The following RAP1GAP variants were observed in gnomAD, a reference collection of about 807,000 sequenced individuals.
RAP1GAP encodes RAP1 GTPase activating protein.
A neutral mutation model predicts 87.2 loss-of-function variants in RAP1GAP; 35 were observed. The ratio of observed to expected loss-of-function variants is 0.40; its 90% CI spans 0.31 to 0.53. The LOEUF (loss-of-function observed/expected upper bound fraction) is 0.53, where lower values mean the gene tolerates loss of function less well. Among genes scored for constraint, RAP1GAP ranks in the 20% least tolerant of loss-of-function variants. The pLI is 0.48. For missense variants in RAP1GAP, 734 were observed against 898.9 expected, an observed-to-expected ratio of 0.82 and a Z score of 2.35; for synonymous variants, 375 against 363.9, an observed-to-expected ratio of 1.03 and a Z score of -0.35.
At chr1:21,652,218 A>T (rs1401161201) in intron 1 of RAP1GAP, among the ~76,000 whole-genome samples, 2 of 149,216 alleles carry the variant, frequency 1.3e-5, no homozygotes, top group Non-Finnish European at 3.0e-5. Context: ...CCCCATCATC[A>T]CGAGCTGGGA....
chr1:21,663,184 C>G (rs1021629070), intron 1 of RAP1GAP, among the ~76,000 whole-genome samples: 1 of 152,172 alleles, frequency 6.6e-6, no homozygotes, highest in Non-Finnish European at 1.5e-5. Flanking sequence ...GCGGCTCTGC[C>G]CAGTCCTGTT....
intron 2 of RAP1GAP, among the ~76,000 whole-genome samples, chr1:21,630,047 AG>A (rs1191785563): frequency 6.6e-6 from 1 of 152,244 alleles, no homozygotes; most frequent in African/African-American, 2.4e-5. Flanking sequence ...TACTATGTGC[AG>A]GCTCTGCTCT....
chr1:21,656,447 A>AAAAAAAAAAAAAAAAAAAC, intron 1 of RAP1GAP, among the ~76,000 whole-genome samples: 1 of 125,776 alleles, frequency 8.0e-6, no homozygotes, highest in Non-Finnish European at 1.7e-5. Flanking sequence ...AAAAAAAAAA[A>AAAAAAAAAAAAAAAAAAAC]AAAAAAAGAC....
At chr1:21,633,763 G>A (rs1313480567) in intron 2 of RAP1GAP, among the ~76,000 whole-genome samples, 4 of 152,184 alleles carry the variant, frequency 2.6e-5, no homozygotes, top group Non-Finnish European at 5.9e-5. Context: ...TCCAGCACTG[G>A]TCATCAGAAG....
chr1:21,639,126 C>G (rs558446772), intron 2 of RAP1GAP, among the ~76,000 whole-genome samples: 1 of 152,354 alleles, frequency 6.6e-6, no homozygotes, highest in East Asian at 1.9e-4. Context: ...ACAGGGCTGT[C>G]TACTTCATTT....
chr1:21,611,900 G>A (rs949529810), intron 11 of RAP1GAP, 84 bp from the exon 12 acceptor site: 22 of 1,498,980 alleles, frequency 1.5e-5, no homozygotes, highest in East Asian at 4.5e-5. Flanking sequence ...AGAGAGGGCC[G>A]GAGGGAGGAC....
intron 2 of RAP1GAP, among the ~76,000 whole-genome samples, chr1:21,645,123 C>T (rs890565989): frequency 2.0e-5 from 3 of 152,158 alleles, no homozygotes; most frequent in African/African-American, 7.2e-5. Flanking sequence ...GTAACTAAAA[C>T]CATGCCTGGC....
At position 21,634,851 on chromosome 1, in the gene RAP1GAP, T is replaced by C; in HGVS notation, c.-112-8454A>G. ...TGACCCTTCCCACCCCACCGAGGAC[T>C]TCAGTGTGGACTGACTCCTCCCCTG... On this transcript the variant is annotated intron_variant, in intron 2 of 24. Transcript: ENST00000374765. The surrounding 1 kb of genome is among the most constrained non-coding windows in gnomAD (Gnocchi z 4.1). 3.1e-6 allele frequency: 1 copy of C among 319,946 alleles called. No homozygotes were observed. Among genetic ancestry groups the C allele is most frequent in the Non-Finnish European group, 6.9e-6 (1 of 144,752 alleles). 19.8% of individuals were successfully genotyped at this position (319,946 alleles called of 1,614,324 possible). A position where few individuals can be genotyped will look rare whatever the true frequency, so the allele number is the denominator to read the frequency against.
rs200716218 is a variant in RAP1GAP, at chr1:21,613,611, C to T, written c.474+17G>A. 3.9e-5 allele frequency: 62 copies of T among 1,603,256 alleles called. No individual in the cohort carries two copies. In the Middle Eastern group the frequency reaches 4.9e-4, roughly 13 times the overall value. On this transcript the variant is annotated intron_variant, in intron 9 of 24. Transcript: ENST00000374765. The surrounding 1 kb of genome is among the most constrained non-coding windows in gnomAD (Gnocchi z 4.7). ...TGCGGAGCCAGCCCGGGAAGCTCAG[C>T]GGAGCGGAGACCTCACCTTTGCCAT...
At chr1:21,599,464 T>G in intron 21 of RAP1GAP, 30 bp downstream of exon 21, 1 of 1,595,634 alleles carries the variant, frequency 6.3e-7, no homozygotes, top group Non-Finnish European at 8.5e-7. Flanking sequence ...CAAGCTCCTG[T>G]GGGGCCCCTG....
At position 21,619,070 on chromosome 1, in the gene RAP1GAP, T is replaced by A. The variant is rs1476497954; in HGVS notation, c.21A>T (p.Gly7=). Residue 7 remains glycine (G), a splice_region_variant and synonymous_variant, in exon 5 of 25, where the codon GGA becomes GGT. Coordinates refer to ENST00000374765, the MANE Select transcript of RAP1GAP (RefSeq NM_002885.4). The part of the protein sequence containing the change: MIEKMQ[G]SRMDEQRCSF... ...AGCAGCGTTGTTCATCCATCCTGCT[T>A]CCCTGTAAGAGAAGGCAGCACTGTT... The A allele has an allele frequency of 1.3e-6, 2 of 1,598,644 alleles. No homozygotes were observed. The highest frequency in any genetic ancestry group is 1.7e-4 in the Middle Eastern group (1 of 6,024).
rs1455297204 is a variant in RAP1GAP at position 21,628,397 on chromosome 1, T to C, written c.-112-2000A>G. 5.8e-5 allele frequency among the ~76,000 whole-genome samples: 4 copies of C among 68,654 alleles called. No individual in the cohort carries two copies. The East Asian group carries it at 1.5e-3, about 26-fold the overall frequency. The allele number at this position is 68,654 out of a possible 152,430, so 45.0% of individuals were successfully genotyped here. On this transcript the variant is annotated intron_variant, in intron 2 of 24. Transcript: ENST00000374765. ...GGCCAATATGGTGAAACCCCATCTC[T>C]ACTAAAAAAAAAAAAAAAAAAAAAA...
chr1:21,641,068 C>A (rs2095477822), intron 2 of RAP1GAP, among the ~76,000 whole-genome samples: 1 of 119,464 alleles, frequency 8.4e-6, no homozygotes, highest in Admixed American at 1.0e-4. Flanking sequence ...CCACTACGCC[C>A]AGCTAATTTT....
At chr1:21,621,057 G>A (rs2086949705) in intron 3 of RAP1GAP, among the ~76,000 whole-genome samples, 1 of 152,166 alleles carries the variant, frequency 6.6e-6, no homozygotes, top group South Asian at 2.1e-4. Context: ...TTGGCGTTCT[G>A]AGTTACACAG....
At chr1:21,645,228 G>A (rs894640829) in intron 2 of RAP1GAP, among the ~76,000 whole-genome samples, 3 of 152,224 alleles carry the variant, frequency 2.0e-5, no homozygotes, top group African/African-American at 7.2e-5. Flanking sequence ...ACAGCCAGGA[G>A]CTTGGGCATC....
rs760350143 is a variant in RAP1GAP, at chr1:21,597,671, GGGGCTGGGTCT to G, written c.*34+4_*34+14del. 285 of 1,588,028 alleles carry G rather than the reference GGGGCTGGGTCT, an allele frequency of 1.8e-4. No homozygotes were observed. Among genetic ancestry groups the G allele is most frequent in the Non-Finnish European group, 2.4e-4 (275 of 1,160,726 alleles). The stretch of plus-strand genomic sequence containing the variant: ...CCCTCTCCCACCAAACACAAGCTGA[GGGGCTGGGTCT>G]AACCTGCTCAGTTTCACCTTCAGAG... On this transcript the variant is annotated splice_donor_5th_base_variant and intron_variant, in intron 24 of 24. Transcript: ENST00000374765.
chr1:21,661,616 G>C (rs2097157498), intron 1 of RAP1GAP, among the ~76,000 whole-genome samples: 1 of 152,206 alleles, frequency 6.6e-6, no homozygotes, highest in Non-Finnish European at 1.5e-5. Context: ...ATCTGTAAAA[G>C]AGGATGGCAA....
intron 1 of RAP1GAP, among the ~76,000 whole-genome samples, chr1:21,663,773 T>G (rs1241735225): frequency 6.6e-6 from 1 of 152,138 alleles, no homozygotes; most frequent in Non-Finnish European, 1.5e-5. Context: ...GGCAGACACA[T>G]GGCTCCCGTG....
intron 3 of RAP1GAP, among the ~76,000 whole-genome samples, chr1:21,624,693 C>G (rs1404767513): frequency 1.3e-5 from 2 of 152,206 alleles, no homozygotes; most frequent in African/African-American, 4.8e-5. Flanking sequence ...AGGGAAGGTT[C>G]AGAGCCCGCT....
Sources: gnomAD v4.1 joint callset for allele counts (sites outside exome capture counted in the v4.1 genomes callset) on GRCh38, gnomAD v4.1.1 for gene constraint, Gnocchi (gnomAD v3.1) non-coding constraint, MANE v1.5 for transcripts, NCBI Gene and HGNC (gene_info 2026-07-23, HGNC 2026-07-21) for gene names.